ENG: variants seen among roughly 807,000 people sequenced by gnomAD.
The protein encoded by ENG is endoglin.
Under a neutral mutation model 71.0 loss-of-function variants are expected in ENG, and 17 were observed. That is an observed-to-expected ratio of 0.24 (90% CI 0.16 to 0.36). The LOEUF is 0.36. Among genes scored for constraint, ENG ranks in the 10% least tolerant of loss-of-function variants. The pLI is 1.00. For missense variants in ENG, 749 were observed against 868.3 expected (o/e 0.86, Z 1.73); for synonymous variants, 360 against 366.9 (o/e 0.98, Z 0.21).
intron 1 of ENG, 29 bp downstream of exon 1, chr9:127,854,260 C>A: frequency 1.9e-6 from 3 of 1,564,342 alleles, no homozygotes; most frequent in Admixed American, 1.9e-5. Flanking sequence ...GAGGCCGAGT[C>A]TCCCCACCCT....
chr9:127,835,344 C>T (rs1473303971), intron 2 of ENG, among the ~76,000 whole-genome samples: 3 of 152,122 alleles, frequency 2.0e-5, no homozygotes, highest in South Asian at 2.1e-4. Context: ...GGTGCCAGAG[C>T]GGGGCCTGCA....
chr9:127,818,543 C>T, intron 11 of ENG, 166 bp from the exon 12 acceptor site: 1 of 1,399,160 alleles, frequency 7.1e-7, no homozygotes. Context: ...AGGGCCACAT[C>T]CTTGTCAGTG....
rs1695053401 is a variant in ENG, at chr9:127,854,463, AGGCGGCCGGAGCGACGGCGTCC to A, written c.-130_-109del. 2 of 1,252,198 alleles carry A rather than the reference AGGCGGCCGGAGCGACGGCGTCC, an allele frequency of 1.6e-6. No individual in the cohort carries two copies. The highest frequency in any genetic ancestry group is 3.1e-5 in the African/African-American group (2 of 65,216). The allele number at this position is 1,252,198 out of a possible 1,614,324, so 77.6% of individuals were successfully genotyped here. A position where few individuals can be genotyped will look rare whatever the true frequency, so the allele number is the denominator to read the frequency against. On this transcript the variant is annotated 5_prime_UTR_variant, in exon 1 of 15. Coordinates refer to ENST00000373203, the MANE Select transcript of ENG (RefSeq NM_001114753.3). ...GCTCGCACGGGGACCCGAGGGGAGC[AGGCGGCCGGAGCGACGGCGTCC>A]CTGCTCCAGCCTTCTGGGGTGGCGG...
intron 2 of ENG, among the ~76,000 whole-genome samples, chr9:127,831,567 T>C (rs1345346041): frequency 6.6e-6 from 1 of 151,904 alleles, no homozygotes; most frequent in Non-Finnish European, 1.5e-5. Flanking sequence ...TTTGTATTTT[T>C]AGTAGAGACG....
At chr9:127,817,701 G>C (rs889122950) in intron 12 of ENG, 5 of 362,438 alleles carry the variant, frequency 1.4e-5, no homozygotes, top group Non-Finnish European at 2.6e-5. Context: ...GAAGTGTTGT[G>C]ACTGGCAAAT....
At chr9:127,839,489 A>G (rs925405523) in intron 2 of ENG, among the ~76,000 whole-genome samples, 1 of 152,184 alleles carries the variant, frequency 6.6e-6, no homozygotes, top group Non-Finnish European at 1.5e-5. Flanking sequence ...GCCCAGCTCC[A>G]TGAGGCTGGA....
Position 127,826,743 on chromosome 9 carries a change from A to G in ENG, c.361-71T>C, listed in dbSNP as rs1830628035. On this transcript the variant is annotated intron_variant, in intron 3 of 14. Coordinates refer to ENST00000373203, the MANE Select transcript of ENG (RefSeq NM_001114753.3). ...CCCTCTCTATCCCATGTAGGAGGTC[A>G]GGAAGTAATTTGTGGAGTCAGCCCA... 1.9e-6 allele frequency: 3 copies of G among 1,586,276 alleles called. No individual in the cohort carries two copies. In the African/African-American group the frequency reaches 4.0e-5, roughly 21 times the overall value.
At position 127,820,810 on chromosome 9, in the gene ENG, C is replaced by A. The variant is rs183281750; in HGVS notation, c.1135-773G>T. Among the ~76,000 whole-genome samples, 775 of 150,830 alleles carry A rather than the reference C, an allele frequency of 5.1e-3. 3 individuals are homozygous for A. The highest frequency in any genetic ancestry group is 8.2e-3 in the Non-Finnish European group (555 of 67,768). ...CACCATTGCACTCCAGCCTGGGCAA[C>A]AGAGCGAGACTCCGTCTCAAAAAAA... On this transcript the variant is annotated intron_variant, in intron 8 of 14. Transcript: ENST00000373203.
At chr9:127,820,375 A>G (rs991139349) in intron 8 of ENG, among the ~76,000 whole-genome samples, 2 of 151,070 alleles carry the variant, frequency 1.3e-5, no homozygotes, top group African/African-American at 4.9e-5. Context: ...TTGTATTTTT[A>G]GTAGAGATAG....
chr9:127,825,628 C>CT (rs376337988), intron 5 of ENG, 67 bp downstream of exon 5: 12 of 1,079,840 alleles, frequency 1.1e-5, no homozygotes, highest in Admixed American at 5.9e-5. Context: ...GGAGAGGGGG[C>CT]GGGGGGGGTC....
chr9:127,827,209 GGAAGAAA>G (rs1830640332), intron 3 of ENG: 1 of 155,508 alleles, frequency 6.4e-6, no homozygotes, highest in Non-Finnish European at 1.4e-5. Context: ...AGGGAGAAAG[GGAAGAAA>G]GAAGAAAGGG....
At chr9:127,817,075 C>G (rs763476085) in intron 13 of ENG, 74 bp downstream of exon 13, 82 of 1,572,714 alleles carry the variant, frequency 5.2e-5, no homozygotes, top group Non-Finnish European at 6.6e-5. Flanking sequence ...CAGGCCGTTT[C>G]TCAGGGCTGC....
intron 1 of ENG, among the ~76,000 whole-genome samples, chr9:127,850,064 G>GCTC (rs1831253529): frequency 6.6e-6 from 1 of 152,170 alleles, no homozygotes; most frequent in Non-Finnish European, 1.5e-5. Flanking sequence ...CTGAACCCTG[G>GCTC]CTGAGGGTCC....
rs528989238 is a variant in ENG, at chr9:127,846,031, C to G, written c.68-2786G>C. On this transcript the variant is annotated intron_variant, in intron 1 of 14. Transcript: ENST00000373203. The surrounding 1 kb of genome is among the most constrained non-coding windows in gnomAD (Gnocchi z 5.5). ...GCCAGCATGCCTGGCCGGCAGCTTT[C>G]TCTTAATTACAATTATTTGACTGAC... is the stretch of plus-strand genomic sequence containing the variant. Among the ~76,000 whole-genome samples the G allele has an allele frequency of 6.6e-6, 1 of 152,278 alleles. No homozygotes were observed. The highest frequency in any genetic ancestry group is 1.5e-5 in the Non-Finnish European group (1 of 68,028).
chr9:127,842,492 C>G (rs1013049703), intron 2 of ENG, among the ~76,000 whole-genome samples: 4 of 151,874 alleles, frequency 2.6e-5, no homozygotes, highest in African/African-American at 9.7e-5. Context: ...GGCACAATCT[C>G]AAGCTCACTG....
chr9:127,818,941 T>TC (rs1491464553), intron 10 of ENG, 109 bp from the exon 11 acceptor site: 37 of 217,454 alleles, frequency 1.7e-4, no homozygotes, highest in Non-Finnish European at 2.4e-4. Context: ...CCTGACTCTC[T>TC]TTTTTTTTTT....
chr9:127,825,762 G>T lies in ENG; in HGVS notation c.622C>A (p.His208Asn). 1 of 1,599,068 alleles carries T rather than the reference G, an allele frequency of 6.3e-7. No individual in the cohort carries two copies. Among genetic ancestry groups the T allele is most frequent in the East Asian group, 2.3e-5 (1 of 44,264 alleles). The change falls in exon 5 of 15, where the codon CAC (histidine) becomes AAC (asparagine). Residue 208 changes from histidine to asparagine, a missense_variant. Coordinates refer to ENST00000373203, the MANE Select transcript of ENG (RefSeq NM_001114753.3). ...TTGTGGCCGGCCACGCCTTCCAAGT[G>T]GCAGCCCCGGACCAAGGCTGGAGTA... Reference protein sequence around the residue: ...PRTPALVRGCHLEGVAGHKEA... With the variant: ...PRTPALVRGCNLEGVAGHKEA...
rs371104611 is a variant in ENG, at chr9:127,815,891, C to G, written c.1852+52G>C. Reference sequence around the variant, plus strand: ...CCTCAGAGGCTTCACTGGGCTCCCCCGGGTGGATGGAGGGGCCCGGCATGC... The same window carrying G: ...CCTCAGAGGCTTCACTGGGCTCCCCGGGGTGGATGGAGGGGCCCGGCATGC... On this transcript the variant is annotated intron_variant, in intron 14 of 14. Coordinates refer to ENST00000373203, the MANE Select transcript of ENG (RefSeq NM_001114753.3). 2.4e-4 allele frequency: 370 copies of G among 1,569,054 alleles called. No individual in the cohort carries two copies. Among genetic ancestry groups the G allele is most frequent in the African/African-American group, 1.9e-3 (143 of 74,324 alleles).
At position 127,824,409 on chromosome 9, in the gene ENG, G is replaced by A. The variant is rs3739817; in HGVS notation, c.1029C>T (p.Thr343=). ...GGCTACAAGTGTCCTTGGGAGGAGTGGTCTGGATCGGTGCGGGTGAGGTCT... is the reference window on the plus strand; with the variant it reads ...GGCTACAAGTGTCCTTGGGAGGAGTAGTCTGGATCGGTGCGGGTGAGGTCT... ...RLQTSPAPIQ[T]TPPKDTCSPE... is the part of the protein sequence containing the mutation. The change falls in exon 8 of 15, where the codon ACC becomes ACT. Residue 343 remains threonine, a synonymous_variant. Transcript: ENST00000373203. 137,091 of 1,613,948 alleles carry A rather than the reference G, an allele frequency of 0.085. 6,670 individuals are homozygous for A. The highest frequency in any genetic ancestry group is 0.19 in the South Asian group (17,381 of 91,072).
Sources: allele counts gnomAD v4.1 joint callset (sites outside exome capture counted in the v4.1 genomes callset), GRCh38; gene constraint gnomAD v4.1.1; non-coding constraint Gnocchi (gnomAD v3.1); transcripts MANE v1.5; gene names NCBI Gene and HGNC (gene_info 2026-07-23, HGNC 2026-07-21).